NCS1: variants seen among roughly 807,000 people sequenced by gnomAD.
NCS1 encodes the protein frequenin homolog.
Under a neutral mutation model 28.4 loss-of-function variants are expected in NCS1, and 6 were observed. The ratio of observed to expected loss-of-function variants is 0.21; its 90% CI spans 0.12 to 0.42. The LOEUF is 0.42. Ranked by LOEUF, NCS1 falls within the 10% of genes least tolerant of loss-of-function variation. The pLI is 1.00. For missense variants in NCS1, 131 were observed against 241.4 expected (o/e 0.54, Z 3.03); for synonymous variants, 86 against 99.3 (o/e 0.87, Z 0.79).
At chr9:130,223,984 C>CT (rs1833374910) in intron 6 of NCS1, among the ~76,000 whole-genome samples, 2 of 151,816 alleles carry the variant, frequency 1.3e-5, no homozygotes, top group Admixed American at 1.3e-4. Context: ...GTAGCTGGGA[C>CT]TACAGGCGCA....
intron 2 of NCS1, among the ~76,000 whole-genome samples, chr9:130,203,476 T>G (rs1203826337): frequency 6.6e-6 from 1 of 152,124 alleles, no homozygotes; most frequent in African/African-American, 2.4e-5. Flanking sequence ...ATGAGAAAGC[T>G]CAGCATCTCC....
At chr9:130,227,617 TTG>T (rs1554911589) in intron 7 of NCS1, among the ~76,000 whole-genome samples, 2 of 152,232 alleles carry the variant, frequency 1.3e-5, no homozygotes, top group East Asian at 3.8e-4. Context: ...GAGTAATAAC[TTG>T]TTCTAAGTTT....
chr9:130,199,453 T>C (rs1359682883), intron 1 of NCS1, among the ~76,000 whole-genome samples: 1 of 152,232 alleles, frequency 6.6e-6, no homozygotes, highest in Non-Finnish European at 1.5e-5. Flanking sequence ...CATCTCTGAT[T>C]TGGGCTTGTG....
chr9:130,218,969 A>G (rs782245240), intron 3 of NCS1, among the ~76,000 whole-genome samples: 2 of 152,160 alleles, frequency 1.3e-5, no homozygotes, highest in Non-Finnish European at 2.9e-5. Context: ...AGGTCAGGAA[A>G]CTGAGGCTCT....
chr9:130,220,135 G>A (rs1253913759), intron 4 of NCS1, among the ~76,000 whole-genome samples: 1 of 152,230 alleles, frequency 6.6e-6, no homozygotes, highest in Non-Finnish European at 1.5e-5. Context: ...GCTGGCAGGA[G>A]CCTTGGCTGC....
chr9:130,188,932 G>A (rs1486953050), intron 1 of NCS1, among the ~76,000 whole-genome samples: 3 of 151,446 alleles, frequency 2.0e-5, no homozygotes, highest in African/African-American at 7.3e-5. Context: ...GGCCAGGCTG[G>A]TCTCAAACTC....
chr9:130,185,821 G>A (rs1554905588), intron 1 of NCS1, among the ~76,000 whole-genome samples: 1 of 152,254 alleles, frequency 6.6e-6, no homozygotes, highest in East Asian at 1.9e-4. Context: ...TGCGCGCCCA[G>A]CAGCCCACAC....
At chr9:130,182,917 G>A (rs1324456079) in intron 1 of NCS1, among the ~76,000 whole-genome samples, 4 of 152,214 alleles carry the variant, frequency 2.6e-5, no homozygotes, top group Non-Finnish European at 5.9e-5. Context: ...GGTGCAGTGT[G>A]GGTTTTGGGG....
intron 2 of NCS1, among the ~76,000 whole-genome samples, chr9:130,205,104 G>A (rs1833006807): frequency 6.6e-6 from 1 of 152,134 alleles, no homozygotes; most frequent in Non-Finnish European, 1.5e-5. Context: ...GGCCTCGTTA[G>A]GAGGGAGAGG....
At chr9:130,199,897 G>GTTGATTCA (rs1554907263) in intron 1 of NCS1, among the ~76,000 whole-genome samples, 4 of 150,624 alleles carry the variant, frequency 2.7e-5, no homozygotes, top group South Asian at 4.2e-4. Flanking sequence ...CTGTTCATGT[G>GTTGATTCA]TTCATTCATT....
intron 1 of NCS1, among the ~76,000 whole-genome samples, chr9:130,182,902 T>C (rs1588108877): frequency 1.3e-5 from 2 of 152,212 alleles, no homozygotes; most frequent in South Asian, 4.1e-4. Flanking sequence ...GACCAAGTCC[T>C]CACAGGTGCA....
intron 5 of NCS1, 67 bp from the exon 6 acceptor site, chr9:130,223,015 A>G: frequency 1.4e-6 from 2 of 1,396,334 alleles, no homozygotes; most frequent in Middle Eastern, 2.2e-4. Flanking sequence ...TCTGGGGGGC[A>G]AATGCGTGGC....
chr9:130,217,753 C>G (rs1207934378), intron 2 of NCS1, 79 bp from the exon 3 acceptor site: 19 of 1,603,024 alleles, frequency 1.2e-5, no homozygotes, highest in Non-Finnish European at 1.5e-5. Context: ...TTTCCTGGGC[C>G]CCGGGCAGGC....
At position 130,226,630 on chromosome 9, in the gene NCS1, G is replaced by A. The variant is rs1276439748; in HGVS notation, c.*17+126G>A. On this transcript the variant is annotated intron_variant, in intron 7 of 7. Coordinates refer to ENST00000372398, the MANE Select transcript of NCS1 (RefSeq NM_014286.4). The surrounding 1 kb of genome is among the most constrained non-coding windows in gnomAD (Gnocchi z 4.8). ...GGGGGTGTTGTGGTCAGCCTAGCAGGGACATAGCTGGGAGGAGGAGGCTGG... is the reference window on the plus strand; with the variant it reads ...GGGGGTGTTGTGGTCAGCCTAGCAGAGACATAGCTGGGAGGAGGAGGCTGG... The A allele has an allele frequency of 1.6e-5, 11 of 695,062 alleles. No homozygotes were observed. The highest frequency in any genetic ancestry group is 2.2e-5 in the Non-Finnish European group (9 of 406,784). The allele number at this position is 695,062 out of a possible 1,614,324, so 43.1% of individuals were successfully genotyped here.
At chr9:130,212,084 C>T (rs550768557) in intron 2 of NCS1, among the ~76,000 whole-genome samples, 14 of 152,252 alleles carry the variant, frequency 9.2e-5, no homozygotes, top group African/African-American at 3.4e-4. Flanking sequence ...GCCTTCACCT[C>T]CAGAAACCTC....
intron 7 of NCS1, among the ~76,000 whole-genome samples, chr9:130,229,138 T>C (rs1833463451): frequency 1.3e-5 from 2 of 152,190 alleles, no homozygotes. Flanking sequence ...CAGTGAACAT[T>C]TTAGTGTCCA....
At chr9:130,193,477 C>G (rs1395446096) in intron 1 of NCS1, among the ~76,000 whole-genome samples, 1 of 152,108 alleles carries the variant, frequency 6.6e-6, no homozygotes, top group Non-Finnish European at 1.5e-5. Context: ...ATTTTTGAGG[C>G]AGCCAGGTTG....
At position 130,221,335 on chromosome 9, in the gene NCS1, A is replaced by AAT. The variant is rs200564191; in HGVS notation, c.308-1301_308-1300dup. ...CACCGTGCCTGGCCCTGTTATTTTTAATATATATATATATAAAATATTTAA... is the reference window on the plus strand; with the variant it reads ...CACCGTGCCTGGCCCTGTTATTTTTAATATATATATATATATAAAATATTTAA... On this transcript the variant is annotated intron_variant, in intron 4 of 7. Coordinates refer to ENST00000372398, the MANE Select transcript of NCS1 (RefSeq NM_014286.4). 7.1e-3 allele frequency among the ~76,000 whole-genome samples: 987 copies of AAT among 139,258 alleles called. 9 individuals carry two copies. The highest frequency in any genetic ancestry group is 0.02 in the African/African-American group (763 of 37,318). 91.4% of individuals were successfully genotyped at this position (139,258 alleles called of 152,430 possible).
At chr9:130,200,157 G>A (rs1466742375) in intron 1 of NCS1, among the ~76,000 whole-genome samples, 2 of 152,192 alleles carry the variant, frequency 1.3e-5, no homozygotes, top group African/African-American at 2.4e-5. Flanking sequence ...AAGGCAGGGA[G>A]TGCAGGAGGA....
Sources: allele counts gnomAD v4.1 joint callset (sites outside exome capture counted in the v4.1 genomes callset), GRCh38; gene constraint gnomAD v4.1.1; non-coding constraint Gnocchi (gnomAD v3.1); transcripts MANE v1.5; gene names NCBI Gene and HGNC (gene_info 2026-07-23, HGNC 2026-07-21).